PRMT5: variants seen among roughly 807,000 people sequenced by gnomAD.
The protein encoded by PRMT5 is protein arginine N-methyltransferase 5.
In PRMT5, 15 loss-of-function variants were observed where a neutral mutation model predicts 84.0. The observed-to-expected ratio is 0.18, with a 90% CI of 0.12 to 0.28. The LOEUF (loss-of-function observed/expected upper bound fraction) is 0.28. PRMT5 is among the 10% of genes least tolerant of loss of function. The pLI is 1.00. For missense variants in PRMT5, 486 were observed against 808.0 expected, an observed-to-expected ratio of 0.60 and a Z score of 4.83; for synonymous variants, 276 against 292.4, an observed-to-expected ratio of 0.94 and a Z score of 0.57.
intron 4 of PRMT5, among the ~76,000 whole-genome samples, chr14:22,927,235 G>A (rs888891869): frequency 6.6e-6 from 1 of 151,610 alleles, no homozygotes; most frequent in Non-Finnish European, 1.5e-5. Context: ...ACAGGCGTGT[G>A]ACACCCCACC....
intron 1 of PRMT5, 119 bp downstream of exon 1, chr14:22,929,133 T>G (rs1218861219): frequency 1.2e-6 from 2 of 1,612,268 alleles, no homozygotes; most frequent in Non-Finnish European, 1.7e-6. Flanking sequence ...AGAGTAATAG[T>G]CTCTCCCCTC....
Position 22,924,412 on chromosome 14 carries a change from G to A in PRMT5, c.1077-20C>T, listed in dbSNP as rs1351022762. ...AGTACCCTAAGAAAGAAAGGGAAGA[G>A]TCAAGCAGACTTGGCATATACAGAT... On this transcript the variant is annotated intron_variant, in intron 10 of 16. Coordinates refer to ENST00000324366, the MANE Select transcript of PRMT5 (RefSeq NM_006109.5). The surrounding 1 kb of genome is among the most constrained non-coding windows in gnomAD (Gnocchi z 6.5). The A allele has an allele frequency of 3.1e-6, 5 of 1,613,848 alleles. No individual in the cohort carries two copies. In the African/African-American group the frequency reaches 4.0e-5, roughly 13 times the overall value.
chr14:22,925,990 G>A (rs1191582587), intron 7 of PRMT5, 143 bp downstream of exon 7: 1 of 909,822 alleles, frequency 1.1e-6, no homozygotes, highest in Admixed American at 2.5e-5. Context: ...TTACCTTTTT[G>A]TTCTCAAGAT....
In PRMT5 at chr14:22,923,059, C is replaced by A; in HGVS notation, c.1477G>T (p.Asp493Tyr). 1 of 1,608,916 alleles carries A rather than the reference C, an allele frequency of 6.2e-7. No individual in the cohort carries two copies. The highest frequency in any genetic ancestry group is 8.5e-7 in the Non-Finnish European group (1 of 1,176,598). The change falls in exon 13 of 17, where the codon GAC becomes TAC. Residue 493 changes from aspartate (D) to tyrosine (Y), a missense_variant. Asp to Tyr is a radical substitution (Grantham distance 160). Coordinates refer to ENST00000324366, the MANE Select transcript of PRMT5 (RefSeq NM_006109.5). The surrounding 1 kb of genome is among the most constrained non-coding windows in gnomAD (Gnocchi z 5.2). ...EVRACREKDR[D>Y]PEAQFEMPYV... Reference sequence around the variant, plus strand: ...AGAGAGTGGTTCTTTACCTCAGGGTCACGGTCCTTCTCCCTACAGGCTCGG... The same window carrying A: ...AGAGAGTGGTTCTTTACCTCAGGGTAACGGTCCTTCTCCCTACAGGCTCGG...
Position 22,922,645 on chromosome 14 carries a change from A to G in PRMT5, c.1580-86T>C, listed in dbSNP as rs1339077847. The G allele has an allele frequency of 4.6e-6, 7 of 1,513,910 alleles. No individual in the cohort carries two copies. The East Asian group carries it at 9.0e-5, about 20-fold the overall frequency. 93.8% of individuals were successfully genotyped at this position (1,513,910 alleles called of 1,614,324 possible). On this transcript the variant is annotated intron_variant, in intron 14 of 16. Transcript: ENST00000324366. ...CATGAGCAAGACCCAGGAAAGGAAG[A>G]GTAGATAAGGCAGACTAGGGACAGT...
chr14:22,927,773 T>C (rs2044458585), intron 3 of PRMT5, 113 bp from the exon 4 acceptor site: 5 of 1,295,194 alleles, frequency 3.9e-6, no homozygotes, highest in African/African-American at 1.5e-5. Context: ...AGTGGCACAG[T>C]CTCCACTCAC....
rs2044314534 is a variant in PRMT5, at chr14:22,922,158, C to T, written c.1761+18G>A. 1.3e-6 allele frequency: 2 copies of T among 1,542,196 alleles called. No homozygotes were observed. The highest frequency in any genetic ancestry group is 4.5e-5 in the East Asian group (2 of 44,494). Reference sequence around the variant, plus strand: ...AAAGGTTACTGCTTAACTAGAGAGTCTTAAAAGCAGTTCCTACCTTAATAG... The same window carrying T: ...AAAGGTTACTGCTTAACTAGAGAGTTTTAAAAGCAGTTCCTACCTTAATAG... On this transcript the variant is annotated intron_variant, in intron 16 of 16. Transcript: ENST00000324366.
In PRMT5 at chr14:22,922,764, G is replaced by T; in HGVS notation, c.1557C>A (p.Phe519Leu). Residue 519 changes from phenylalanine to leucine, a missense_variant, in exon 14 of 17, where the codon TTC (phenylalanine) becomes TTA (leucine). By Grantham distance (22) the Phe-to-Leu change is conservative (BLOSUM62 0). Coordinates refer to ENST00000324366, the MANE Select transcript of PRMT5 (RefSeq NM_006109.5). ...TACCTCTGTTGGGATGGCTGAAGGT[G>T]AAACAGGGCTGGGGTGCAGAGAGCT... ...FHQLSAPQPC[F>L]TFSHPNRDPM... 1 of 1,614,074 alleles carries T rather than the reference G, an allele frequency of 6.2e-7. No homozygotes were observed. Among genetic ancestry groups the T allele is most frequent in the South Asian group, 1.1e-5 (1 of 91,082 alleles).
chr14:22,926,085 A>C (rs1427192909), intron 7 of PRMT5, 48 bp downstream of exon 7: 2 of 1,521,182 alleles, frequency 1.3e-6, no homozygotes, highest in South Asian at 1.2e-5. Context: ...CAGGTAAATA[A>C]GGCAAGATGT....
At chr14:22,925,099 G>A (rs1191992192) in intron 7 of PRMT5, 59 bp from the exon 8 acceptor site, 1 of 1,568,264 alleles carries the variant, frequency 6.4e-7, no homozygotes, top group Non-Finnish European at 8.7e-7. Flanking sequence ...GGAATATTAT[G>A]GTATATGGCC....
intron 4 of PRMT5, among the ~76,000 whole-genome samples, 181 bp downstream of exon 4, chr14:22,927,345 G>A (rs2044445415): frequency 6.6e-6 from 1 of 151,990 alleles, no homozygotes; most frequent in African/African-American, 2.4e-5. Flanking sequence ...CCTGAGCTCA[G>A]TGATCTGCCC....
chr14:22,922,355 C>G, intron 15 of PRMT5, 88 bp downstream of exon 15: 1 of 1,405,262 alleles, frequency 7.1e-7, no homozygotes, highest in Non-Finnish European at 1.0e-6. Flanking sequence ...AGCACTGGGC[C>G]CCCCATAAAT....
chr14:22,929,239 G>A lies in PRMT5; in HGVS notation c.110+13C>T, dbSNP rs781491528. On this transcript the variant is annotated intron_variant, in intron 1 of 16. Coordinates refer to ENST00000324366, the MANE Select transcript of PRMT5 (RefSeq NM_006109.5). ...CGGACCCCGCATTCCGCTCGTGGAGGTCCGGCCCTCACCCCTGCTTGGCCA... is the reference window on the plus strand; with the variant it reads ...CGGACCCCGCATTCCGCTCGTGGAGATCCGGCCCTCACCCCTGCTTGGCCA... 5.6e-6 allele frequency: 9 copies of A among 1,613,796 alleles called. No homozygotes were observed. Among genetic ancestry groups the A allele is most frequent in the East Asian group, 2.2e-5 (1 of 44,858 alleles).
chr14:22,924,264 A>T lies in PRMT5; in HGVS notation c.1199+6T>A, dbSNP rs759210750. 6.2e-7 allele frequency: 1 copy of T among 1,613,986 alleles called. No homozygotes were observed. Among genetic ancestry groups the T allele is most frequent in the South Asian group, 1.1e-5 (1 of 91,072 alleles). On this transcript the variant is annotated splice_donor_region_variant and intron_variant, in intron 11 of 16. Transcript: ENST00000324366. This position sits in a 1 kb window ranked among gnomAD's most constrained non-coding sequence, Gnocchi z 6.5. Reference sequence around the variant, plus strand: ...CTAACTTCCCAGCAAGCAGGTTGCTACTCACGTCACCACGGCATTTGGGTT... The same window carrying T: ...CTAACTTCCCAGCAAGCAGGTTGCTTCTCACGTCACCACGGCATTTGGGTT...
Position 22,927,621 on chromosome 14 carries a change from G to T in PRMT5, c.355C>A (p.Leu119Ile). The T allele has an allele frequency of 6.2e-7, 1 of 1,613,604 alleles. No homozygotes were observed. Among genetic ancestry groups the T allele is most frequent in the Non-Finnish European group, 8.5e-7 (1 of 1,179,846 alleles). ...TTAAGGGGCAGCAGGAAAGCTGGAA[G>T]ACCCAAATATGCACCAAAATTCAGC... ...QELNFGAYLG[L>I]PAFLLPLNQE... is the part of the protein sequence containing the mutation. Residue 119 changes from leucine to isoleucine, a missense_variant, in exon 4 of 17, where the codon CTT (leucine) becomes ATT (isoleucine). By Grantham distance (5) the Leu-to-Ile change is conservative (BLOSUM62 2). Coordinates refer to ENST00000324366, the MANE Select transcript of PRMT5 (RefSeq NM_006109.5).
Position 22,928,667 on chromosome 14 carries a change from A to G in PRMT5, c.111-52T>C. 1 of 1,393,070 alleles carries G rather than the reference A, an allele frequency of 7.2e-7. No individual in the cohort carries two copies. Among genetic ancestry groups the G allele is most frequent in the Non-Finnish European group, 1.0e-6 (1 of 978,458 alleles). The allele number at this position is 1,393,070 out of a possible 1,614,324, so 86.3% of individuals were successfully genotyped here. On this transcript the variant is annotated intron_variant, in intron 1 of 16. Coordinates refer to ENST00000324366, the MANE Select transcript of PRMT5 (RefSeq NM_006109.5). The surrounding 1 kb of genome is among the most constrained non-coding windows in gnomAD (Gnocchi z 4.8). ...TGTAAAGACAGCAGCAGTGCCAGAG[A>G]GCCAAGCAACTGGATTTAGGCTATC... is the stretch of plus-strand genomic sequence containing the variant.
rs1373301010 is a variant in PRMT5, at chr14:22,920,664, T to C, written c.*240A>G. The C allele has an allele frequency of 2.8e-6, 2 of 706,618 alleles. No homozygotes were observed. Among genetic ancestry groups the C allele is most frequent in the Admixed American group, 4.1e-5 (2 of 49,340 alleles). 43.8% of individuals were successfully genotyped at this position (706,618 alleles called of 1,614,324 possible). A position where few individuals can be genotyped will look rare whatever the true frequency, so the allele number is the denominator to read the frequency against. ...CAGGGAGTTCTTGAGGCTGAGTGCGTAGCTTCAAATCCAGCACTAATTCCT... is the reference window on the plus strand; with the variant it reads ...CAGGGAGTTCTTGAGGCTGAGTGCGCAGCTTCAAATCCAGCACTAATTCCT... On this transcript the variant is annotated 3_prime_UTR_variant, in exon 17 of 17. Transcript: ENST00000324366.
chr14:22,925,004 G>A lies in PRMT5; in HGVS notation c.814C>T (p.His272Tyr). The change falls in exon 8 of 17, where the codon CAC (histidine) becomes TAC (tyrosine). Residue 272 changes from histidine (H) to tyrosine (Y), a missense_variant. His to Tyr is a moderately conservative substitution (Grantham distance 83). Coordinates refer to ENST00000324366, the MANE Select transcript of PRMT5 (RefSeq NM_006109.5). ...TAGGAGCAGAACTCCTTCTCTGAGTGGTGGTTGGTGCCTGTGATGATGAAC... is the reference window on the plus strand; with the variant it reads ...TAGGAGCAGAACTCCTTCTCTGAGTAGTGGTTGGTGCCTGTGATGATGAAC... ...VQFIITGTNHHSEKEFCSYLQ... is the reference protein window; with the variant it reads ...VQFIITGTNHYSEKEFCSYLQ... 6.2e-7 allele frequency: 1 copy of A among 1,614,110 alleles called. No individual in the cohort carries two copies. Among genetic ancestry groups the A allele is most frequent in the Non-Finnish European group, 8.5e-7 (1 of 1,180,018 alleles).
chr14:22,925,107 G>A (rs1268553426), intron 7 of PRMT5, 67 bp from the exon 8 acceptor site: 8 of 1,530,970 alleles, frequency 5.2e-6, no homozygotes, highest in Non-Finnish European at 7.1e-6. Context: ...ATGGTATATG[G>A]CCAAAGAGCC....
Sources: allele counts gnomAD v4.1 joint callset (sites outside exome capture counted in the v4.1 genomes callset), GRCh38; gene constraint gnomAD v4.1.1; non-coding constraint Gnocchi (gnomAD v3.1); transcripts MANE v1.5; gene names NCBI Gene and HGNC (gene_info 2026-07-23, HGNC 2026-07-21).